Variants in ZNF431 observed in about 807,000 individuals in gnomAD.
ZNF431 encodes the protein zinc finger protein 431.
In ZNF431, 34 loss-of-function variants were observed where a neutral mutation model predicts 57.0. That is an observed-to-expected ratio of 0.60 (90% confidence interval 0.45 to 0.79). The LOEUF is 0.79. Among genes scored for constraint, ZNF431 ranks in the 30% least tolerant of loss-of-function variants. The pLI, the probability that ZNF431 is intolerant of heterozygous loss-of-function variation, is 0.00. For synonymous variants in ZNF431, 207 were observed against 220.3 expected, an observed-to-expected ratio of 0.94 and a Z score of 0.54; for missense variants, 607 against 667.1, an observed-to-expected ratio of 0.91 and a Z score of 0.99.
rs1971561223 is a variant in ZNF431, at chr19:21,194,108, C to CT, written c.*10077dup. The CT allele has an allele frequency of 1.3e-5, 2 of 152,114 alleles. No individual in the cohort carries two copies. The highest frequency in any genetic ancestry group is 2.1e-4 in the South Asian group (1 of 4,834). 9.4% of individuals were successfully genotyped at this position (152,114 alleles called of 1,614,324 possible). ...ATGATATAATTCTCTACCTAGAAAA[C>CT]TTTAAGGATTTTACCAAAAGACTCC... On this transcript the variant is annotated 3_prime_UTR_variant, in exon 5 of 5. Transcript: ENST00000311048.
At chr19:21,163,928 A>G (rs1970646823) in intron 2 of ZNF431, among the ~76,000 whole-genome samples, 1 of 151,790 alleles carries the variant, frequency 6.6e-6, no homozygotes, top group Non-Finnish European at 1.5e-5. Flanking sequence ...TAAAAATACA[A>G]AAATTAGCTG....
rs1969955813 is a variant in ZNF431 at position 21,142,131 on chromosome 19, C to T, written c.-53C>T. The stretch of plus-strand genomic sequence containing the variant: ...CCAACATCTGTGGCCCTGTGACCTG[C>T]AGGTATTGGGAGACCCACAGCTAAG... On this transcript the variant is annotated 5_prime_UTR_variant, in exon 1 of 5. Transcript: ENST00000311048. The T allele has an allele frequency of 3.1e-6, 5 of 1,610,290 alleles. No homozygotes were observed. Among genetic ancestry groups the T allele is most frequent in the Non-Finnish European group, 4.2e-6 (5 of 1,177,488 alleles).
At chr19:21,156,682 A>G (rs533969462) in intron 2 of ZNF431, among the ~76,000 whole-genome samples, 1 of 102,364 alleles carries the variant, frequency 9.8e-6, no homozygotes, top group Non-Finnish European at 2.2e-5. Context: ...TGTTGCTGCA[A>G]ATAACTTAAT....
chr19:21,142,199 G>T lies in ZNF431; in HGVS notation c.3+13G>T. The T allele has an allele frequency of 1.2e-6, 2 of 1,613,108 alleles. No homozygotes were observed. The highest frequency in any genetic ancestry group is 1.7e-6 in the Non-Finnish European group (2 of 1,179,328). On this transcript the variant is annotated intron_variant, in intron 1 of 4. Coordinates refer to ENST00000311048, the MANE Select transcript of ZNF431 (RefSeq NM_133473.4). Reference sequence around the variant, plus strand: ...AAGCCTAGAAATGGTGAGAGTGCCGGGTCGGACATCCCGAGAGAGGGGAAG... The same window carrying T: ...AAGCCTAGAAATGGTGAGAGTGCCGTGTCGGACATCCCGAGAGAGGGGAAG...
chr19:21,191,466 A>T lies in ZNF431; in HGVS notation c.*7432A>T, dbSNP rs73028577. 26,409 of 151,712 alleles carry T rather than the reference A, an allele frequency of 0.17. 2,756 individuals are homozygous for T. The highest frequency in any genetic ancestry group is 0.29 in the African/African-American group (12,029 of 41,324). The allele number at this position is 151,712 out of a possible 1,614,324, so 9.4% of individuals were successfully genotyped here. The stretch of plus-strand genomic sequence containing the variant: ...AACTCTGTCTCAAAAAAAAAAAAAA[A>T]TTTGCTGCCCAGAACAATGTTATAG... On this transcript the variant is annotated 3_prime_UTR_variant, in exon 5 of 5. Transcript: ENST00000311048.
At position 21,177,720 on chromosome 19, in the gene ZNF431, G is replaced by A. The variant is rs1442195820; in HGVS notation, c.320-4903G>A. On this transcript the variant is annotated intron_variant, in intron 4 of 4. Coordinates refer to ENST00000311048, the MANE Select transcript of ZNF431 (RefSeq NM_133473.4). Reference sequence around the variant, plus strand: ...GGAGAATCGCTTGAACCTGGGAGGCGGAGGTTGCAATGAGCTGAGATCATG... The same window carrying A: ...GGAGAATCGCTTGAACCTGGGAGGCAGAGGTTGCAATGAGCTGAGATCATG... Among the ~76,000 whole-genome samples, 5 of 152,062 alleles carry A rather than the reference G, an allele frequency of 3.3e-5. No homozygotes were observed. In the South Asian group the frequency reaches 6.2e-4, roughly 19 times the overall value.
intron 2 of ZNF431, among the ~76,000 whole-genome samples, chr19:21,160,555 G>T (rs1237216135): frequency 6.6e-6 from 1 of 152,144 alleles, no homozygotes; most frequent in Non-Finnish European, 1.5e-5. Flanking sequence ...TTTAGAATCA[G>T]CCTGAGTCTC....
chr19:21,172,248 G>A (rs545360273), intron 4 of ZNF431, among the ~76,000 whole-genome samples: 5 of 151,280 alleles, frequency 3.3e-5, no homozygotes, highest in African/African-American at 1.2e-4. Context: ...GGCCAATATG[G>A]TGAAACCCTG....
intron 2 of ZNF431, among the ~76,000 whole-genome samples, chr19:21,146,273 G>T (rs1970091894): frequency 6.6e-6 from 1 of 152,056 alleles, no homozygotes; most frequent in African/African-American, 2.4e-5. Context: ...AGCCAGGCTT[G>T]GTGGTGCACA....
At position 21,182,945 on chromosome 19, in the gene ZNF431, C is replaced by T. The variant is rs1599621039; in HGVS notation, c.642C>T (p.Cys214=). The T allele has an allele frequency of 6.2e-7, 1 of 1,614,036 alleles. No homozygotes were observed. Reference sequence around the variant, plus strand: ...GTAAAAAATGTGGCAAATCATTTTGCATGCTTTTACACCTAAGTCAACATA... The same window carrying T: ...GTAAAAAATGTGGCAAATCATTTTGTATGCTTTTACACCTAAGTCAACATA... ...FKCKKCGKSF[C]MLLHLSQHKR... Residue 214 remains cysteine, a synonymous_variant, in exon 5 of 5, where the codon TGC becomes TGT. Coordinates refer to ENST00000311048, the MANE Select transcript of ZNF431 (RefSeq NM_133473.4).
chr19:21,190,277 G>A lies in ZNF431; in HGVS notation c.*6243G>A, dbSNP rs143158394. 9.5e-4 allele frequency: 155 copies of A among 163,226 alleles called. No individual in the cohort carries two copies. The highest frequency in any genetic ancestry group is 3.5e-3 in the African/African-American group (147 of 42,036). The allele number at this position is 163,226 out of a possible 1,614,324, so 10.1% of individuals were successfully genotyped here. ...CATTAGATGTTGAACTGTTTATTCT[G>A]TATTTTGGCTATTGTGAAACAAGTG... On this transcript the variant is annotated 3_prime_UTR_variant, in exon 5 of 5. Coordinates refer to ENST00000311048, the MANE Select transcript of ZNF431 (RefSeq NM_133473.4).
At chr19:21,158,537 T>C (rs1302594748) in intron 2 of ZNF431, among the ~76,000 whole-genome samples, 1 of 152,172 alleles carries the variant, frequency 6.6e-6, no homozygotes, top group African/African-American at 2.4e-5. Flanking sequence ...ATTCTTGTTA[T>C]AGAGATCTTT....
intron 2 of ZNF431, chr19:21,150,178 G>C (rs370310700): frequency 3.9e-5 from 23 of 586,462 alleles, no homozygotes; most frequent in African/African-American, 3.6e-4. Flanking sequence ...TAGCTGTTTG[G>C]TGGTCCAGGC....
In ZNF431 at chr19:21,195,457, T is replaced by C. The variant is rs767337875; in HGVS notation, c.*11423T>C. 6.6e-6 allele frequency: 1 copy of C among 152,166 alleles called. No homozygotes were observed. The highest frequency in any genetic ancestry group is 2.4e-5 in the African/African-American group (1 of 41,442). 9.4% of individuals were successfully genotyped at this position (152,166 alleles called of 1,614,324 possible). ...AAAAGATACACAATTTTCTAAAAAA[T>C]TTTTCTTTATGGGCGATTGAATAGT... On this transcript the variant is annotated 3_prime_UTR_variant, in exon 5 of 5. Coordinates refer to ENST00000311048, the MANE Select transcript of ZNF431 (RefSeq NM_133473.4).
In ZNF431 at chr19:21,182,684, A is replaced by G; in HGVS notation, c.381A>G (p.Gln127=). The G allele has an allele frequency of 6.2e-7, 1 of 1,613,162 alleles. No homozygotes were observed. Among genetic ancestry groups the G allele is most frequent in the Non-Finnish European group, 8.5e-7 (1 of 1,179,700 alleles). The change falls in exon 5 of 5, where the codon CAA becomes CAG. Residue 127 remains glutamine, a synonymous_variant. Coordinates refer to ENST00000311048, the MANE Select transcript of ZNF431 (RefSeq NM_133473.4). ...AGCAAGACATAAAAGATTCTTTTCA[A>G]CAAGTAATACTGAGAAGATATGGCA... ...WPEQDIKDSF[Q]QVILRRYGKC...
At chr19:21,144,087 T>A (rs908840602) in intron 2 of ZNF431, among the ~76,000 whole-genome samples, 2 of 150,856 alleles carry the variant, frequency 1.3e-5, no homozygotes, top group African/African-American at 4.8e-5. Context: ...ACACATTTGT[T>A]TTTTAATCAG....
At chr19:21,171,502 A>G (rs542993771) in intron 4 of ZNF431, among the ~76,000 whole-genome samples, 1 of 152,130 alleles carries the variant, frequency 6.6e-6, no homozygotes, top group Admixed American at 6.5e-5. Context: ...ATTAAGAGAT[A>G]AGTCAGCCAT....
intron 2 of ZNF431, among the ~76,000 whole-genome samples, chr19:21,161,571 A>G (rs1295614528): frequency 2.0e-5 from 3 of 152,186 alleles, no homozygotes; most frequent in Admixed American, 2.0e-4. Context: ...CTTAGGAAAA[A>G]CTGAACTGGA....
rs1971426289 is a variant in ZNF431, at chr19:21,188,273, A to T, written c.*4239A>T. On this transcript the variant is annotated 3_prime_UTR_variant, in exon 5 of 5. Transcript: ENST00000311048. ...AATTCTGTCTAAAAAAAAAAAAAAA[A>T]GATAAAAGGTGCAATACTGTCCACA... 1 of 150,654 alleles carries T rather than the reference A, an allele frequency of 6.6e-6. No individual in the cohort carries two copies. The highest frequency in any genetic ancestry group is 1.5e-5 in the Non-Finnish European group (1 of 67,642). The allele number at this position is 150,654 out of a possible 1,614,324, so 9.3% of individuals were successfully genotyped here. A position where few individuals can be genotyped will look rare whatever the true frequency, so the allele number is the denominator to read the frequency against.
Sources: gnomAD v4.1 joint callset for allele counts (sites outside exome capture counted in the v4.1 genomes callset) on GRCh38, gnomAD v4.1.1 for gene constraint, MANE v1.5 for transcripts, NCBI Gene and HGNC (gene_info 2026-07-23, HGNC 2026-07-21) for gene names.